ESR1: variants seen among roughly 807,000 people sequenced by gnomAD.
ESR1 encodes the protein estrogen receptor.
ESR1 carries 12 observed loss-of-function variants against 52.7 expected under a neutral mutation model. That is an observed-to-expected ratio of 0.23 (90% confidence interval 0.15 to 0.37). ESR1 has a LOEUF of 0.37. ESR1 is among the 10% of genes least tolerant of loss of function. The pLI is 1.00. For missense variants in ESR1, 584 were observed against 779.7 expected, an observed-to-expected ratio of 0.75 and a Z score of 2.99; for synonymous variants, 305 against 316.8, an observed-to-expected ratio of 0.96 and a Z score of 0.39.
chr6:151,760,525 C>T (rs534301954), intron 2 of ESR1, among the ~76,000 whole-genome samples: 3 of 152,250 alleles, frequency 2.0e-5, no homozygotes, highest in South Asian at 2.1e-4. Flanking sequence ...TCTTTGTTGT[C>T]TTAGGAAGAA....
chr6:151,900,851 G>A (rs1796569489), intron 3 of ESR1, among the ~76,000 whole-genome samples: 1 of 152,202 alleles, frequency 6.6e-6, no homozygotes, highest in South Asian at 2.1e-4. Context: ...AGGTGGCAGG[G>A]GAGTGAAATG....
At chr6:152,069,849 G>C (rs560042499) in intron 6 of ESR1, among the ~76,000 whole-genome samples, 1 of 137,772 alleles carries the variant, frequency 7.3e-6, no homozygotes, top group South Asian at 2.3e-4. Flanking sequence ...TTGCAACCCA[G>C]GCAGCTGGGG....
At chr6:152,093,378 C>A (rs545813523) in intron 6 of ESR1, among the ~76,000 whole-genome samples, 21 of 151,580 alleles carry the variant, frequency 1.4e-4, no homozygotes, top group African/African-American at 3.9e-4. Flanking sequence ...CTCACCCCCC[C>A]ACACTATCAC....
chr6:152,098,534 G>T lies in ESR1; in HGVS notation c.1554-198G>T, dbSNP rs977638026. ...AGGAGGTGGAAAATGAAAAACACAC[G>T]GCCATGAGTTCCAGATTAGGGCTTC... is the stretch of plus-strand genomic sequence containing the variant. On this transcript the variant is annotated intron_variant, in intron 7 of 7. Coordinates refer to ENST00000206249, the MANE Select transcript of ESR1 (RefSeq NM_000125.4). The surrounding 1 kb of genome is among the most constrained non-coding windows in gnomAD (Gnocchi z 5.1). 6.6e-6 allele frequency among the ~76,000 whole-genome samples: 1 copy of T among 151,948 alleles called. No individual in the cohort carries two copies. Among genetic ancestry groups the T allele is most frequent in the Non-Finnish European group, 1.5e-5 (1 of 67,994 alleles).
At chr6:151,775,525 A>T (rs1785889182) in intron 2 of ESR1, among the ~76,000 whole-genome samples, 1 of 152,118 alleles carries the variant, frequency 6.6e-6, no homozygotes, top group Non-Finnish European at 1.5e-5. Context: ...AAGCGGGCGG[A>T]TCACAAGATC....
intron 1 of ESR1, among the ~76,000 whole-genome samples, chr6:151,678,432 C>T (rs1035475839): frequency 4.6e-5 from 7 of 151,440 alleles, no homozygotes; most frequent in African/African-American, 7.3e-5. Flanking sequence ...GAGATTGTGC[C>T]ACTGCACTCC....
intron 4 of ESR1, among the ~76,000 whole-genome samples, chr6:151,998,209 T>C (rs1458808215): frequency 6.6e-6 from 1 of 152,174 alleles, no homozygotes; most frequent in East Asian, 1.9e-4. Context: ...GTTATTTCTC[T>C]GAAGCATCCC....
At chr6:151,927,442 A>G (rs1426930866) in intron 3 of ESR1, among the ~76,000 whole-genome samples, 1 of 152,190 alleles carries the variant, frequency 6.6e-6, no homozygotes, top group East Asian at 1.9e-4. Context: ...GATTTGTTAG[A>G]AGTAATCTTG....
At chr6:152,087,124 G>T (rs1285839288) in intron 6 of ESR1, among the ~76,000 whole-genome samples, 1 of 152,106 alleles carries the variant, frequency 6.6e-6, no homozygotes, top group Non-Finnish European at 1.5e-5. Flanking sequence ...AGTTCTTTGA[G>T]CAAATTGGTT....
intron 4 of ESR1, among the ~76,000 whole-genome samples, chr6:151,956,843 A>AATAAATATATATATATATAT: frequency 2.2e-5 from 1 of 44,474 alleles, no homozygotes; most frequent in East Asian, 3.3e-4. Context: ...AATATAAATA[A>AATAAATATATATATATATAT]ATATATATAT....
intron 3 of ESR1, among the ~76,000 whole-genome samples, chr6:151,896,974 T>C (rs1795628607): frequency 6.6e-6 from 1 of 152,228 alleles, no homozygotes; most frequent in Non-Finnish European, 1.5e-5. Flanking sequence ...TTCACTTCCA[T>C]GTATTTGCAT....
chr6:151,923,561 T>C (rs778003943), intron 3 of ESR1, among the ~76,000 whole-genome samples: 1 of 152,250 alleles, frequency 6.6e-6, no homozygotes, highest in Non-Finnish European at 1.5e-5. Context: ...TAGAATATCA[T>C]ATAATTGAAA....
intron 6 of ESR1, among the ~76,000 whole-genome samples, chr6:152,081,161 A>G (rs1235375572): frequency 6.6e-6 from 1 of 152,200 alleles, no homozygotes; most frequent in African/African-American, 2.4e-5. Flanking sequence ...CCCCTAATCA[A>G]CAGAATATAC....
At chr6:151,758,500 C>T (rs1414596631) in intron 2 of ESR1, among the ~76,000 whole-genome samples, 2 of 152,120 alleles carry the variant, frequency 1.3e-5, no homozygotes, top group Non-Finnish European at 2.9e-5. Flanking sequence ...GTGGCTCATG[C>T]CTGTAATCCC....
At chr6:151,779,538 G>A (rs28823678) in intron 2 of ESR1, among the ~76,000 whole-genome samples, 1 of 152,190 alleles carries the variant, frequency 6.6e-6, no homozygotes, top group Non-Finnish European at 1.5e-5. Context: ...AGGTACTGGT[G>A]AAGTTGCAGA....
intron 2 of ESR1, among the ~76,000 whole-genome samples, chr6:151,767,691 A>T (rs1785175997): frequency 6.6e-6 from 1 of 152,218 alleles, no homozygotes; most frequent in Non-Finnish European, 1.5e-5. Context: ...ACAAAGGGAG[A>T]TGTCAAATTC....
intron 3 of ESR1, among the ~76,000 whole-genome samples, chr6:151,936,953 G>C (rs760330225): frequency 1.3e-5 from 2 of 152,152 alleles, no homozygotes; most frequent in Non-Finnish European, 2.9e-5. Context: ...GGATAAAATG[G>C]GGTGTTAATT....
rs535155504 is a variant in ESR1 at position 151,934,069 on chromosome 6, C to G, written c.761-10104C>G. ...AAAGCTCTCACCTTAGCTGGCATGG[C>G]CCTGTGGGATTGGCCTCCCTTGTCT... is the stretch of plus-strand genomic sequence containing the variant. On this transcript the variant is annotated intron_variant, in intron 3 of 7. Coordinates refer to ENST00000206249, the MANE Select transcript of ESR1 (RefSeq NM_000125.4). Among the ~76,000 whole-genome samples the G allele has an allele frequency of 3.3e-5, 5 of 152,316 alleles. No homozygotes were observed. The East Asian group carries it at 9.6e-4, about 29-fold the overall frequency.
intron 1 of ESR1, among the ~76,000 whole-genome samples, chr6:151,682,096 C>T (rs1412732928): frequency 1.3e-5 from 2 of 152,202 alleles, no homozygotes; most frequent in Non-Finnish European, 2.9e-5. Context: ...TAGTATTCAA[C>T]CTTTTATTTC....
Sources: allele counts gnomAD v4.1 joint callset (sites outside exome capture counted in the v4.1 genomes callset), GRCh38; gene constraint gnomAD v4.1.1; non-coding constraint Gnocchi (gnomAD v3.1); transcripts MANE v1.5; gene names NCBI Gene and HGNC (gene_info 2026-07-23, HGNC 2026-07-21).